CCDC158: variants seen among roughly 807,000 people sequenced by gnomAD.
CCDC158 encodes coiled-coil domain-containing protein 158.
A neutral mutation model predicts 138.6 loss-of-function variants in CCDC158; 116 were observed. The observed-to-expected ratio is 0.84, with a 90% CI of 0.72 to 0.98. The LOEUF (loss-of-function observed/expected upper bound fraction) is 0.98. Among genes scored for constraint, CCDC158 ranks in the 50% least tolerant of loss-of-function variants. The pLI, the probability that CCDC158 is intolerant of heterozygous loss-of-function variation, is 0.00. For synonymous variants in CCDC158, 436 were observed against 442.4 expected, an observed-to-expected ratio of 0.99 and a Z score of 0.18; for missense variants, 1,265 against 1,306.1, an observed-to-expected ratio of 0.97 and a Z score of 0.48.
intron 18 of CCDC158, among the ~76,000 whole-genome samples, chr4:76,338,171 G>A (rs1461369544): frequency 6.6e-6 from 1 of 152,194 alleles, no homozygotes; most frequent in East Asian, 1.9e-4. Context: ...CTGAGGTGGA[G>A]CTAAGGCAGT....
chr4:76,394,102 C>T (rs963664870), intron 4 of CCDC158, among the ~76,000 whole-genome samples: 7 of 151,960 alleles, frequency 4.6e-5, no homozygotes, highest in Admixed American at 6.6e-5. Context: ...ATAGAGCTAC[C>T]GTATGATCCA....
intron 4 of CCDC158, among the ~76,000 whole-genome samples, chr4:76,389,961 T>C (rs1727161419): frequency 6.6e-6 from 1 of 152,090 alleles, no homozygotes; most frequent in Non-Finnish European, 1.5e-5. Flanking sequence ...CTACAAGAAA[T>C]GCTAAAGGGA....
At position 76,367,274 on chromosome 4, in the gene CCDC158, CA is replaced by C. The variant is rs757095149; in HGVS notation, c.1830+19del. 2 of 1,592,280 alleles carry C rather than the reference CA, an allele frequency of 1.3e-6. No homozygotes were observed. Among genetic ancestry groups the C allele is most frequent in the South Asian group, 2.3e-5 (2 of 87,786 alleles). On this transcript the variant is annotated intron_variant, in intron 12 of 24. Coordinates refer to ENST00000682701, the MANE Select transcript of CCDC158 (RefSeq NM_001394954.1). ...ATAAATGATATTTCAGAAGTTAAAT[CA>C]CAAAAAAACTCTACAGACCTTAAGT...
intron 24 of CCDC158, among the ~76,000 whole-genome samples, chr4:76,319,797 T>C (rs1331710963): frequency 1.3e-5 from 2 of 151,748 alleles, no homozygotes; most frequent in Non-Finnish European, 2.9e-5. Flanking sequence ...TACCTCAAGG[T>C]AACCAAAACC....
rs1160484209 is a variant in CCDC158 at position 76,334,032 on chromosome 4, G to A, written c.2800C>T (p.Leu934=). The change falls in exon 19 of 25, where the codon CTG becomes TTG. Residue 934 remains leucine (L), a synonymous_variant. Coordinates refer to ENST00000682701, the MANE Select transcript of CCDC158 (RefSeq NM_001394954.1). ...TACACAGCCACATACAAGGCTCCCA[G>A]AGATGTTCTTCCATCTTCCTCTGTC... ...SKTEEDGRTS[L]GALYVAVEDR... is the part of the protein sequence containing the mutation. 2 of 1,612,804 alleles carry A rather than the reference G, an allele frequency of 1.2e-6. No individual in the cohort carries two copies. The highest frequency in any genetic ancestry group is 1.7e-6 in the Non-Finnish European group (2 of 1,179,162).
intron 2 of CCDC158, among the ~76,000 whole-genome samples, chr4:76,411,787 C>T (rs17001919): frequency 0.029 from 4,450 of 152,198 alleles, 217 homozygotes; most frequent in African/African-American, 0.1. Context: ...TTTTTCAAAC[C>T]CTTCTTAAGC....
intron 22 of CCDC158, among the ~76,000 whole-genome samples, chr4:76,327,547 T>C (rs543016099): frequency 6.6e-6 from 1 of 152,292 alleles, no homozygotes; most frequent in South Asian, 2.1e-4. Context: ...TGGTAAGTAT[T>C]TATTTATCTA....
At chr4:76,391,024 A>C (rs1727264935) in intron 4 of CCDC158, among the ~76,000 whole-genome samples, 1 of 152,086 alleles carries the variant, frequency 6.6e-6, no homozygotes, top group South Asian at 2.1e-4. Context: ...GCCTCAATAC[A>C]ACAATAGCTA....
chr4:76,314,259 T>C (rs913905049), intron 24 of CCDC158, among the ~76,000 whole-genome samples: 7 of 152,208 alleles, frequency 4.6e-5, no homozygotes, highest in Non-Finnish European at 1.0e-4. Flanking sequence ...TTTGGTGGCA[T>C]ACATCAGATA....
At chr4:76,400,564 A>G (rs947463807) in intron 3 of CCDC158, among the ~76,000 whole-genome samples, 7 of 152,002 alleles carry the variant, frequency 4.6e-5, no homozygotes, top group African/African-American at 1.5e-4. Flanking sequence ...AGTAAAAAAA[A>G]AAACTCATAC....
chr4:76,336,637 C>T (rs1165960793), intron 18 of CCDC158, among the ~76,000 whole-genome samples: 2 of 152,282 alleles, frequency 1.3e-5, no homozygotes, highest in Middle Eastern at 6.8e-3. Context: ...CCTTCCAACC[C>T]TGGTCACAGT....
intron 10 of CCDC158, among the ~76,000 whole-genome samples, chr4:76,370,918 A>T (rs1242814903): frequency 6.6e-6 from 1 of 152,154 alleles, no homozygotes; most frequent in Non-Finnish European, 1.5e-5. Flanking sequence ...TTATTCTGTT[A>T]TACCACTAAT....
At chr4:76,334,193 A>G in intron 18 of CCDC158, 26 bp from the exon 19 acceptor site, 7 of 1,502,670 alleles carry the variant, frequency 4.7e-6, no homozygotes, top group Non-Finnish European at 6.3e-6. Context: ...TTACAAAGAC[A>G]CTTATTTTTT....
chr4:76,336,400 T>A (rs1043574569), intron 18 of CCDC158, among the ~76,000 whole-genome samples: 2 of 152,256 alleles, frequency 1.3e-5, no homozygotes, highest in African/African-American at 4.8e-5. Context: ...ATATAACCCA[T>A]AATTTGTTTG....
At chr4:76,387,967 G>A (rs1002825348) in intron 4 of CCDC158, among the ~76,000 whole-genome samples, 2 of 150,120 alleles carry the variant, frequency 1.3e-5, no homozygotes, top group African/African-American at 2.5e-5. Flanking sequence ...GAGCTGAGAT[G>A]GCACCACTGC....
chr4:76,320,886 G>C (rs1382794599), intron 24 of CCDC158, among the ~76,000 whole-genome samples: 4 of 152,054 alleles, frequency 2.6e-5, no homozygotes, highest in African/African-American at 9.7e-5. Context: ...AAAAGCAAAT[G>C]CAACAAACAC....
chr4:76,313,112 G>A lies in CCDC158; in HGVS notation c.*58C>T, dbSNP rs764082796. 4.7e-5 allele frequency: 51 copies of A among 1,093,898 alleles called. No homozygotes were observed. The highest frequency in any genetic ancestry group is 1.2e-4 in the Admixed American group (5 of 43,102). The allele number at this position is 1,093,898 out of a possible 1,614,324, so 67.8% of individuals were successfully genotyped here. On this transcript the variant is annotated 3_prime_UTR_variant, in exon 25 of 25. Coordinates refer to ENST00000682701, the MANE Select transcript of CCDC158 (RefSeq NM_001394954.1). ...AAAAAGTACACAGGGCACTAATTAC[G>A]AGTAACACCACAATTAATTGGGCCT... is the stretch of plus-strand genomic sequence containing the variant.
chr4:76,344,820 A>T (rs899502306), intron 18 of CCDC158: 36 of 1,600,912 alleles, frequency 2.2e-5, no homozygotes, highest in Admixed American at 8.3e-5. Context: ...GAAGATGCAG[A>T]AACCGGGAGA....
At position 76,353,264 on chromosome 4, in the gene CCDC158, T is replaced by C. The variant is rs937486227; in HGVS notation, c.2304A>G (p.Lys768=). The change falls in exon 16 of 25, where the codon AAA becomes AAG. Residue 768 remains lysine, a synonymous_variant. Transcript: ENST00000682701. The stretch of plus-strand genomic sequence containing the variant: ...CCTGACTGAGTTTACTTTTCTCTTC[T>C]TTCAGAAAATGTTTCTCCTACAATT... ...TNANKEKHFL[K]EEKSKLSQEL... is the part of the protein sequence containing the mutation. 1 of 1,606,970 alleles carries C rather than the reference T, an allele frequency of 6.2e-7. No homozygotes were observed. Among genetic ancestry groups the C allele is most frequent in the Non-Finnish European group, 8.5e-7 (1 of 1,177,312 alleles).
Sources: allele counts gnomAD v4.1 joint callset (sites outside exome capture counted in the v4.1 genomes callset), GRCh38; gene constraint gnomAD v4.1.1; transcripts MANE v1.5; gene names NCBI Gene and HGNC (gene_info 2026-07-23, HGNC 2026-07-21).